CDC34: variants seen among roughly 807,000 people sequenced by gnomAD.
CDC34 encodes ubiquitin-conjugating enzyme E2 R1.
A neutral mutation model predicts 26.8 loss-of-function variants in CDC34; 18 were observed. That is an observed-to-expected ratio of 0.67 (90% CI 0.47 to 1.00). The LOEUF is 1.00. Among genes scored for constraint, CDC34 ranks in the 50% least tolerant of loss-of-function variants. The pLI, the probability that CDC34 is intolerant of heterozygous loss-of-function variation, is 0.00. For synonymous variants in CDC34, 178 were observed against 147.5 expected, an observed-to-expected ratio of 1.21 and a Z score of -1.50; for missense variants, 280 against 334.5, an observed-to-expected ratio of 0.84 and a Z score of 1.27.
chr19:533,409 G>T (rs1390104090), intron 1 of CDC34, among the ~76,000 whole-genome samples: 2 of 152,246 alleles, frequency 1.3e-5, no homozygotes, highest in Non-Finnish European at 2.9e-5. Flanking sequence ...GGCTGTGAGG[G>T]CAGCAGCCTG....
chr19:537,637 C>T (rs1425934100), intron 4 of CDC34, among the ~76,000 whole-genome samples: 2 of 142,822 alleles, frequency 1.4e-5, no homozygotes, highest in South Asian at 2.3e-4. Context: ...CAGGCGTGAG[C>T]CACCGCGGCC....
intron 1 of CDC34, among the ~76,000 whole-genome samples, chr19:533,332 C>T (rs890855960): frequency 6.6e-6 from 1 of 152,200 alleles, no homozygotes; most frequent in Non-Finnish European, 1.5e-5. Flanking sequence ...GCCGAGGGAC[C>T]GATGCCTCCC....
At chr19:532,903 C>T (rs1270406900) in intron 1 of CDC34, among the ~76,000 whole-genome samples, 1 of 152,236 alleles carries the variant, frequency 6.6e-6, no homozygotes, top group African/African-American at 2.4e-5. Flanking sequence ...CTCGCTCATC[C>T]CAGCTGGTCT....
rs1979499003 is a variant in CDC34, at chr19:531,831, G to T, written c.-101G>T. The T allele has an allele frequency of 4.6e-6, 3 of 649,712 alleles. No homozygotes were observed. Among genetic ancestry groups the T allele is most frequent in the Non-Finnish European group, 6.0e-6 (3 of 497,140 alleles). The allele number at this position is 649,712 out of a possible 1,614,324, so 40.2% of individuals were successfully genotyped here. A position where few individuals can be genotyped will look rare whatever the true frequency, so the allele number is the denominator to read the frequency against. ...GAGGAGGAGGCAGGCGGCGGCCCCG[G>T]TGGCTCCCCCCCGGACGGTGCGCGG... On this transcript the variant is annotated 5_prime_UTR_variant, in exon 1 of 5. Transcript: ENST00000215574.
intron 4 of CDC34, chr19:541,114 C>A: frequency 1.8e-6 from 1 of 551,190 alleles, no homozygotes. Flanking sequence ...CTGCACTGCG[C>A]CCGTCCAGCC....
intron 4 of CDC34, among the ~76,000 whole-genome samples, chr19:537,651 C>CTTTTTTTTTTTTTT (rs773623358): frequency 1.5e-5 from 1 of 67,088 alleles, no homozygotes; most frequent in Non-Finnish European, 2.8e-5. Context: ...CGCGGCCGGC[C>CTTTTTTTTTTTTTT]TTTTTTTTTT....
intron 1 of CDC34, among the ~76,000 whole-genome samples, chr19:532,407 C>CCCTGTA (rs933735608): frequency 2.6e-4 from 39 of 152,344 alleles, no homozygotes; most frequent in African/African-American, 8.9e-4. Context: ...CGGGGGCCCT[C>CCCTGTA]CCTGTAGCAT....
chr19:537,557 T>G (rs1302798866), intron 4 of CDC34, among the ~76,000 whole-genome samples: 1 of 151,738 alleles, frequency 6.6e-6, no homozygotes, highest in East Asian at 1.9e-4. Flanking sequence ...TTTCAGCGTG[T>G]TAGCCAGGAT....
chr19:538,083 C>T lies in CDC34; in HGVS notation c.497+936C>T, dbSNP rs113645017. Among the ~76,000 whole-genome samples, 32 of 140,680 alleles carry T rather than the reference C, an allele frequency of 2.3e-4. No individual in the cohort carries two copies. In the East Asian group the frequency reaches 2.8e-3, roughly 12 times the overall value. 92.3% of individuals were successfully genotyped at this position (140,680 alleles called of 152,430 possible). On this transcript the variant is annotated intron_variant, in intron 4 of 4. Transcript: ENST00000215574. ...ACTGTTAGGGAACATGTGTCTGTGC[C>T]TTAATGAAGAAATGGGGTCGTGCTG...
chr19:535,419 G>A (rs1027751002), intron 1 of CDC34, among the ~76,000 whole-genome samples: 1 of 152,262 alleles, frequency 6.6e-6, no homozygotes, highest in Non-Finnish European at 1.5e-5. Context: ...TGGAGGTGCA[G>A]CCCTGGTCCT....
chr19:538,897 C>T (rs977910207), intron 4 of CDC34: 6 of 985,126 alleles, frequency 6.1e-6, no homozygotes, highest in Admixed American at 6.1e-5. Context: ...CAGATGTCCT[C>T]GGTGGCCCCG....
Position 541,727 on chromosome 19 carries a change from G to A in CDC34, c.*175G>A, listed in dbSNP as rs1263211193. The A allele has an allele frequency of 1.5e-6, 1 of 650,844 alleles. No individual in the cohort carries two copies. The highest frequency in any genetic ancestry group is 2.3e-6 in the Non-Finnish European group (1 of 426,342). The allele number at this position is 650,844 out of a possible 1,614,324, so 40.3% of individuals were successfully genotyped here. A position where few individuals can be genotyped will look rare whatever the true frequency, so the allele number is the denominator to read the frequency against. On this transcript the variant is annotated 3_prime_UTR_variant, in exon 5 of 5. Transcript: ENST00000215574. The stretch of plus-strand genomic sequence containing the variant: ...GGGTTTTCACGTGCTTCAGAGAAGA[G>A]GGGCTGCCCCACCGCCACTCACGTC...
chr19:541,468 C>T lies in CDC34; in HGVS notation c.627C>T (p.Asp209=). ...AGGGCTCAGACCTCTTCTACGACGA[C>T]TACTACGAGGACGGCGAGGTGGAGG... The part of the protein sequence containing the change: ...PDEGSDLFYD[D]YYEDGEVEEE... The change falls in exon 5 of 5, where the codon GAC becomes GAT. Residue 209 remains aspartate (D), a synonymous_variant. Coordinates refer to ENST00000215574, the MANE Select transcript of CDC34 (RefSeq NM_004359.2). The T allele has an allele frequency of 1.2e-6, 2 of 1,612,554 alleles. No individual in the cohort carries two copies. The highest frequency in any genetic ancestry group is 1.7e-6 in the Non-Finnish European group (2 of 1,179,724).
intron 4 of CDC34, among the ~76,000 whole-genome samples, chr19:541,037 C>T (rs955307806): frequency 2.6e-5 from 4 of 152,188 alleles, no homozygotes; most frequent in African/African-American, 9.7e-5. Flanking sequence ...TTGCCGGCAT[C>T]GTTATTTTCT....
intron 4 of CDC34, chr19:539,026 A>G: frequency 1.0e-6 from 1 of 984,716 alleles, no homozygotes; most frequent in Non-Finnish European, 1.2e-6. Flanking sequence ...CACTATTTTT[A>G]TCCCTCAAAA....
At chr19:540,922 C>T (rs1306889208) in intron 4 of CDC34, among the ~76,000 whole-genome samples, 2 of 152,210 alleles carry the variant, frequency 1.3e-5, no homozygotes, top group African/African-American at 4.8e-5. Context: ...TTCCCGTCTC[C>T]AGGGATGGTC....
intron 1 of CDC34, among the ~76,000 whole-genome samples, chr19:534,513 T>G (rs1196250518): frequency 3.2e-5 from 3 of 94,774 alleles, no homozygotes; most frequent in African/African-American, 8.7e-5. Flanking sequence ...CTGAGTGCCC[T>G]CCCTGTCCAG....
intron 1 of CDC34, among the ~76,000 whole-genome samples, chr19:535,160 C>T (rs891877356): frequency 6.6e-6 from 1 of 152,222 alleles, no homozygotes; most frequent in Non-Finnish European, 1.5e-5. Context: ...TGTGGCCGTC[C>T]TTGCCAGCAG....
Position 531,886 on chromosome 19 carries a change from C to T in CDC34, c.-46C>T. 8.1e-6 allele frequency: 10 copies of T among 1,235,412 alleles called. No homozygotes were observed. The highest frequency in any genetic ancestry group is 9.2e-6 in the Non-Finnish European group (9 of 983,100). 76.5% of individuals were successfully genotyped at this position (1,235,412 alleles called of 1,614,324 possible). A position where few individuals can be genotyped will look rare whatever the true frequency, so the allele number is the denominator to read the frequency against. ...GCCCGTCTCGCGAACTCGCGGTGGT[C>T]GCGCGGCCCCGCGCTGCTCCGACCC... On this transcript the variant is annotated 5_prime_UTR_variant, in exon 1 of 5. Coordinates refer to ENST00000215574, the MANE Select transcript of CDC34 (RefSeq NM_004359.2).
Sources: allele counts gnomAD v4.1 joint callset (sites outside exome capture counted in the v4.1 genomes callset), GRCh38; gene constraint gnomAD v4.1.1; transcripts MANE v1.5; gene names NCBI Gene and HGNC (gene_info 2026-07-23, HGNC 2026-07-21).